ADH4: variants seen among roughly 807,000 people sequenced by gnomAD.
ADH4 encodes the protein all-trans-retinol dehydrogenase [NAD(+)] ADH4.
ADH4 carries 31 observed loss-of-function variants against 35.2 expected under a neutral mutation model. That is an observed-to-expected ratio of 0.88 (90% CI 0.66 to 1.19). The LOEUF (loss-of-function observed/expected upper bound fraction) is 1.19. ADH4 is among the 50% of genes most tolerant of loss of function. The pLI is 0.00. For missense variants in ADH4, 476 were observed against 458.3 expected, an observed-to-expected ratio of 1.04 and a Z score of -0.35; for synonymous variants, 171 against 160.2, an observed-to-expected ratio of 1.07 and a Z score of -0.51.
chr4:99,136,383 G>T, intron 5 of ADH4, 83 bp downstream of exon 5: 1 of 1,148,196 alleles, frequency 8.7e-7, no homozygotes, highest in South Asian at 1.3e-5. Flanking sequence ...GCCACAGTTT[G>T]AAGATAACTA....
At position 99,126,579 on chromosome 4, in the gene ADH4, C is replaced by T. The variant is rs938270844; in HGVS notation, c.1118+15G>A. On this transcript the variant is annotated intron_variant, in intron 8 of 8. Coordinates refer to ENST00000265512, the MANE Select transcript of ADH4 (RefSeq NM_000670.5). ...AACGTTTTTTAAATCATTCAGTCAT[C>T]TATTAGTAATGTACCTTTTTCCTTG... 1 of 1,579,416 alleles carries T rather than the reference C, an allele frequency of 6.3e-7. No individual in the cohort carries two copies. Among genetic ancestry groups the T allele is most frequent in the Non-Finnish European group, 8.7e-7 (1 of 1,155,794 alleles).
intron 2 of ADH4, 58 bp from the exon 3 acceptor site, chr4:99,141,740 G>A: frequency 6.5e-7 from 1 of 1,527,398 alleles, no homozygotes; most frequent in South Asian, 1.2e-5. Flanking sequence ...TGGGCTGGAT[G>A]TTACATATAA....
At chr4:99,141,890 T>C (rs1195107176) in intron 2 of ADH4, among the ~76,000 whole-genome samples, 3 of 152,216 alleles carry the variant, frequency 2.0e-5, no homozygotes, top group African/African-American at 7.2e-5. Context: ...TTCTACCTTT[T>C]GCTGTTGTCA....
intron 4 of ADH4, among the ~76,000 whole-genome samples, chr4:99,138,237 CA>C (rs535352121): frequency 1.8e-4 from 27 of 151,422 alleles, no homozygotes; most frequent in African/African-American, 4.4e-4. Flanking sequence ...TAAAGCTTTG[CA>C]AAAAAAATTA....
chr4:99,141,524 T>G lies in ADH4; in HGVS notation c.262+17A>C, dbSNP rs13138294. On this transcript the variant is annotated intron_variant, in intron 3 of 8. Coordinates refer to ENST00000265512, the MANE Select transcript of ADH4 (RefSeq NM_000670.5). The stretch of plus-strand genomic sequence containing the variant: ...AATATTGTGACATTTCCATTTTTTC[T>G]GAATAAAATAAAATACCTGGTTTGA... 0.25 allele frequency: 395,250 copies of G among 1,596,296 alleles called. 53,123 individuals carry two copies. The highest frequency in any genetic ancestry group is 0.28 in the Non-Finnish European group (326,073 of 1,169,898).
At chr4:99,143,489 C>A in intron 1 of ADH4, 2 of 307,060 alleles carry the variant, frequency 6.5e-6, no homozygotes, top group South Asian at 6.5e-5. Context: ...TTTTTCTAGC[C>A]TCAAATTATA....
At chr4:99,127,141 C>G in intron 7 of ADH4, 68 bp downstream of exon 7, 1 of 1,318,478 alleles carries the variant, frequency 7.6e-7, no homozygotes, top group Non-Finnish European at 1.1e-6. Flanking sequence ...TTTTCAATAA[C>G]CTTCACTCTA....
In ADH4 at chr4:99,126,682, T is replaced by A; in HGVS notation, c.1030A>T (p.Lys344Ter). ...ACCAGTGCATCCAGATTGAATTTCT[T>A]ATTCTTATAGTCAGTGACCAGCTTT... ...IPKLVTDYKN[K>*]KFNLDALVTH... Residue 344 changes from lysine to a stop codon, truncating the protein, a stop_gained, in exon 8 of 9, where the codon AAG (lysine) becomes TAG (stop). Coordinates refer to ENST00000265512, the MANE Select transcript of ADH4 (RefSeq NM_000670.5). LOFTEE classifies it high-confidence loss of function. The A allele has an allele frequency of 2.5e-6, 4 of 1,612,118 alleles. No individual in the cohort carries two copies. Among genetic ancestry groups the A allele is most frequent in the Non-Finnish European group, 3.4e-6 (4 of 1,178,540 alleles).
chr4:99,138,186 T>A (rs917743271), intron 4 of ADH4, among the ~76,000 whole-genome samples: 2 of 152,208 alleles, frequency 1.3e-5, no homozygotes, highest in Admixed American at 1.3e-4. Context: ...TAACATTTAT[T>A]AGAAAGAATT....
chr4:99,131,133 A>G (rs1051661371), intron 6 of ADH4, among the ~76,000 whole-genome samples: 1 of 152,228 alleles, frequency 6.6e-6, no homozygotes, highest in African/African-American at 2.4e-5. Flanking sequence ...ATTGTCTCCA[A>G]GGAATAGGAA....
intron 5 of ADH4, among the ~76,000 whole-genome samples, chr4:99,133,403 AAG>A (rs1212072949): frequency 2.0e-5 from 3 of 152,346 alleles, no homozygotes; most frequent in East Asian, 1.9e-4. Flanking sequence ...ATCAAAAAGA[AAG>A]AGGGGTTCTG....
intron 5 of ADH4, chr4:99,133,469 C>T (rs1729347414): frequency 6.6e-6 from 1 of 152,174 alleles, no homozygotes; most frequent in African/African-American, 2.4e-5. Flanking sequence ...CACTTTTCTT[C>T]CCAGAAGTAA....
intron 3 of ADH4, 74 bp downstream of exon 3, chr4:99,141,467 C>G: frequency 7.0e-7 from 1 of 1,423,014 alleles, no homozygotes; most frequent in Non-Finnish European, 9.4e-7. Context: ...TATAGCATGC[C>G]AAGCCAGGAC....
intron 4 of ADH4, among the ~76,000 whole-genome samples, chr4:99,137,973 G>A (rs1301784446): frequency 6.6e-6 from 1 of 151,890 alleles, no homozygotes; most frequent in Admixed American, 6.6e-5. Context: ...TGAATCATTT[G>A]TCCTATAGAG....
intron 1 of ADH4, 58 bp downstream of exon 1, chr4:99,144,147 A>G: frequency 6.3e-7 from 1 of 1,597,010 alleles, no homozygotes; most frequent in Non-Finnish European, 8.6e-7. Context: ...CCTTTTAGCC[A>G]AACATACAAG....
intron 6 of ADH4, among the ~76,000 whole-genome samples, chr4:99,130,819 T>C (rs1729247771): frequency 6.6e-6 from 1 of 152,126 alleles, no homozygotes; most frequent in South Asian, 2.1e-4. Context: ...TTCTAACATA[T>C]AGCTAGTGTT....
At chr4:99,124,527 A>G in intron 8 of ADH4, 61 bp from the exon 9 acceptor site, 1 of 1,127,854 alleles carries the variant, frequency 8.9e-7, no homozygotes. Context: ...ACCAAAGCTC[A>G]CAAATAAGTT....
In ADH4 at chr4:99,126,854, C is replaced by T. The variant is rs2110490085; in HGVS notation, c.980-122G>A. Reference sequence around the variant, plus strand: ...TGGTTTGCTTCAAATAGATTAAACTCCTTCCATCTTTAATTTTCTGTACTT... The same window carrying T: ...TGGTTTGCTTCAAATAGATTAAACTTCTTCCATCTTTAATTTTCTGTACTT... On this transcript the variant is annotated intron_variant, in intron 7 of 8. Transcript: ENST00000265512. 3 of 842,946 alleles carry T rather than the reference C, an allele frequency of 3.6e-6. No individual in the cohort carries two copies. The Middle Eastern group carries it at 1.1e-3, about 316-fold the overall frequency. The allele number at this position is 842,946 out of a possible 1,614,324, so 52.2% of individuals were successfully genotyped here. A position where few individuals can be genotyped will look rare whatever the true frequency, so the allele number is the denominator to read the frequency against.
At chr4:99,130,679 G>A (rs1729243828) in intron 6 of ADH4, among the ~76,000 whole-genome samples, 1 of 152,152 alleles carries the variant, frequency 6.6e-6, no homozygotes, top group African/African-American at 2.4e-5. Flanking sequence ...TTTTAGGTCA[G>A]TGGTTCTCAA....
Sources: allele counts gnomAD v4.1 joint callset (sites outside exome capture counted in the v4.1 genomes callset), GRCh38; gene constraint gnomAD v4.1.1; transcripts MANE v1.5; gene names NCBI Gene and HGNC (gene_info 2026-07-23, HGNC 2026-07-21).